Variants in FRMD6 observed in about 807,000 individuals in gnomAD.
FRMD6 encodes FERM domain containing 6, also known as FERM domain-containing protein 6.
Under a neutral mutation model 73.2 loss-of-function variants are expected in FRMD6, and 37 were observed. That is an observed-to-expected ratio of 0.51 (90% CI 0.39 to 0.66). The LOEUF (loss-of-function observed/expected upper bound fraction) is 0.66. FRMD6 is among the 30% of genes least tolerant of loss of function. The pLI, the probability that FRMD6 is intolerant of heterozygous loss-of-function variation, is 0.00. For missense variants in FRMD6, 714 were observed against 780.5 expected, an observed-to-expected ratio of 0.91 and a Z score of 1.02; for synonymous variants, 273 against 282.2, an observed-to-expected ratio of 0.97 and a Z score of 0.33.
At chr14:51,482,024 C>G in the FRMD6 span, among the ~76,000 whole-genome samples, 1 of 152,060 alleles carries the variant, frequency 6.6e-6, no homozygotes, top group Non-Finnish European at 1.5e-5. Flanking sequence ...GAAACCTCAG[C>G]GCTTATTGTT....
intron 2 of FRMD6, among the ~76,000 whole-genome samples, chr14:51,613,458 T>C (rs962780754): frequency 6.6e-6 from 1 of 152,140 alleles, no homozygotes; most frequent in Admixed American, 6.6e-5. Flanking sequence ...AGAAGACAGA[T>C]TGAGCAGATT....
intron 2 of FRMD6, among the ~76,000 whole-genome samples, chr14:51,646,318 CA>C (rs34495089): frequency 0.033 from 2,283 of 68,968 alleles, 19 homozygotes; most frequent in Middle Eastern, 0.083. Flanking sequence ...ACTCCATATC[CA>C]AAAAAAAAAA....
At chr14:51,468,463 CTT>C in the FRMD6 span, among the ~76,000 whole-genome samples, 1 of 152,118 alleles carries the variant, frequency 6.6e-6, no homozygotes, top group Admixed American at 6.5e-5. Context: ...TATCCTGTGA[CTT>C]TGCTAAATTC....
intron 2 of FRMD6, among the ~76,000 whole-genome samples, chr14:51,638,910 C>A (rs950887300): frequency 1.3e-5 from 2 of 152,144 alleles, no homozygotes; most frequent in African/African-American, 4.8e-5. Context: ...TGTTCCCAGT[C>A]CTTCCTGTTC....
intron 4 of FRMD6, among the ~76,000 whole-genome samples, chr14:51,701,987 C>G (rs1373814538): frequency 6.6e-6 from 1 of 151,868 alleles, no homozygotes; most frequent in Non-Finnish European, 1.5e-5. Context: ...CCTAGTAAGT[C>G]AGGAATAGTA....
At chr14:51,630,159 G>A (rs1891281925) in intron 2 of FRMD6, among the ~76,000 whole-genome samples, 1 of 151,962 alleles carries the variant, frequency 6.6e-6, no homozygotes, top group Non-Finnish European at 1.5e-5. Flanking sequence ...GATGGGATTG[G>A]CTACTAAGTT....
At chr14:51,508,515 G>T (rs940268091) in intron 1 of FRMD6, among the ~76,000 whole-genome samples, 4 of 152,186 alleles carry the variant, frequency 2.6e-5, no homozygotes. Context: ...GAGGAGACAA[G>T]AGCAAGACGT....
chr14:51,625,083 A>G (rs1423408992), intron 2 of FRMD6, among the ~76,000 whole-genome samples: 1 of 152,238 alleles, frequency 6.6e-6, no homozygotes, highest in East Asian at 1.9e-4. Flanking sequence ...AAATTATCAT[A>G]ATTTCAAAAC....
intron 7 of FRMD6, among the ~76,000 whole-genome samples, chr14:51,710,548 T>C (rs899388196): frequency 1.3e-5 from 2 of 152,180 alleles, no homozygotes; most frequent in African/African-American, 4.8e-5. Context: ...TTTTTCTTGA[T>C]GTAAAAATAT....
At chr14:51,408,311 C>T in the FRMD6 span, among the ~76,000 whole-genome samples, 1 of 152,016 alleles carries the variant, frequency 6.6e-6, no homozygotes, top group South Asian at 2.1e-4. Flanking sequence ...AGACATGCGC[C>T]ACCACACCTG....
chr14:51,494,207 T>A (rs1883169355), intron 1 of FRMD6, among the ~76,000 whole-genome samples: 1 of 152,202 alleles, frequency 6.6e-6, no homozygotes, highest in Non-Finnish European at 1.5e-5. Flanking sequence ...TATTTCAGCA[T>A]CAACTCAAAA....
intron 1 of FRMD6, among the ~76,000 whole-genome samples, chr14:51,551,612 T>C (rs1290387305): frequency 6.6e-6 from 1 of 152,032 alleles, no homozygotes; most frequent in Non-Finnish European, 1.5e-5. Flanking sequence ...TGGTTTGTGC[T>C]TGTAGTCCCA....
the FRMD6 span, among the ~76,000 whole-genome samples, chr14:51,483,939 T>C: frequency 6.6e-6 from 1 of 152,188 alleles, no homozygotes; most frequent in South Asian, 2.1e-4. Context: ...TTGCAGAGAT[T>C]AAGTAACTCA....
At chr14:51,693,168 A>G (rs184346736) in intron 2 of FRMD6, among the ~76,000 whole-genome samples, 10 of 152,336 alleles carry the variant, frequency 6.6e-5, no homozygotes, top group African/African-American at 2.4e-4. Context: ...TGGGAAAGTT[A>G]ATTATACCTC....
the FRMD6 span, among the ~76,000 whole-genome samples, chr14:51,422,327 G>T: frequency 1.3e-5 from 2 of 152,094 alleles, no homozygotes; most frequent in African/African-American, 4.8e-5. Flanking sequence ...AATGGGCCAA[G>T]AATGGCAAAT....
chr14:51,711,647 CA>C (rs1234674234), intron 8 of FRMD6, 51 bp downstream of exon 8: 1 of 1,314,252 alleles, frequency 7.6e-7, no homozygotes, highest in African/African-American at 1.4e-5. Flanking sequence ...CTTCTGTTTA[CA>C]GCATGCCTCT....
the FRMD6 span, among the ~76,000 whole-genome samples, chr14:51,410,812 T>G: frequency 6.6e-6 from 1 of 152,224 alleles, no homozygotes; most frequent in African/African-American, 2.4e-5. Flanking sequence ...TGATTTGTTA[T>G]TAACATTTAT....
chr14:51,445,708 T>A, the FRMD6 span, among the ~76,000 whole-genome samples: 1 of 152,108 alleles, frequency 6.6e-6, no homozygotes, highest in Non-Finnish European at 1.5e-5. Context: ...TGACATCATC[T>A]CCCCAAGTGC....
intron 12 of FRMD6, among the ~76,000 whole-genome samples, chr14:51,725,437 C>T (rs1566602212): frequency 6.6e-6 from 1 of 152,196 alleles, no homozygotes; most frequent in Non-Finnish European, 1.5e-5. Flanking sequence ...AGAGGGGAAG[C>T]TTTATGAGAT....
Sources: gnomAD v4.1 joint callset for allele counts (sites outside exome capture counted in the v4.1 genomes callset) on GRCh38, gnomAD v4.1.1 for gene constraint, MANE v1.5 for transcripts, NCBI Gene and HGNC (gene_info 2026-07-23, HGNC 2026-07-21) for gene names.